TMEM38B: variants seen among roughly 807,000 people sequenced by gnomAD.
TMEM38B encodes trimeric intracellular cation channel type B.
Under a neutral mutation model 28.7 loss-of-function variants are expected in TMEM38B, and 24 were observed. The observed-to-expected ratio is 0.84, with a 90% confidence interval of 0.61 to 1.18. TMEM38B has a LOEUF of 1.18. Among genes scored for constraint, TMEM38B ranks in the 50% most tolerant of loss-of-function variants. TMEM38B has a pLI of 0.00. For missense variants in TMEM38B, 380 were observed against 350.9 expected (o/e 1.08, Z -0.66); for synonymous variants, 131 against 127.7 (o/e 1.03, Z -0.17).
chr9:105,740,978 A>C (rs1837183248), intron 4 of TMEM38B, among the ~76,000 whole-genome samples: 2 of 152,244 alleles, frequency 1.3e-5, no homozygotes, highest in African/African-American at 4.8e-5. Context: ...ATATGGGAAC[A>C]TGTTCTTTGC....
At chr9:105,706,381 G>A (rs1835666453) in intron 2 of TMEM38B, among the ~76,000 whole-genome samples, 1 of 152,218 alleles carries the variant, frequency 6.6e-6, no homozygotes, top group Non-Finnish European at 1.5e-5. Context: ...GGGACGCAGA[G>A]GATTAGAGAG....
chr9:105,750,987 A>G (rs945813154), intron 5 of TMEM38B, among the ~76,000 whole-genome samples: 1 of 152,142 alleles, frequency 6.6e-6, no homozygotes, highest in Non-Finnish European at 1.5e-5. Flanking sequence ...ATTTTATTCC[A>G]TCCATATGTG....
At chr9:105,704,789 T>C (rs1835595938) in intron 1 of TMEM38B, among the ~76,000 whole-genome samples, 1 of 152,090 alleles carries the variant, frequency 6.6e-6, no homozygotes, top group Non-Finnish European at 1.5e-5. Flanking sequence ...CTGGGCGTGG[T>C]GGCAGGTGCC....
rs1177251866 is a variant in TMEM38B, at chr9:105,715,051, C to A, written c.270-6486C>A. Among the ~76,000 whole-genome samples, 3 of 152,202 alleles carry A rather than the reference C, an allele frequency of 2.0e-5. No individual in the cohort carries two copies. The East Asian group carries it at 5.8e-4, about 29-fold the overall frequency. On this transcript the variant is annotated intron_variant, in intron 2 of 5. Coordinates refer to ENST00000374692, the MANE Select transcript of TMEM38B (RefSeq NM_018112.3). ...TTCTTCCACCCTAAGAATTTGGTTT[C>A]TTAAGGACATAGGATGTGATTAAAT...
chr9:105,740,825 A>C (rs1837176102), intron 4 of TMEM38B, among the ~76,000 whole-genome samples: 1 of 152,204 alleles, frequency 6.6e-6, no homozygotes, highest in Non-Finnish European at 1.5e-5. Context: ...TCTATTGTTT[A>C]GTGACAATTT....
chr9:105,715,187 T>G (rs937733922), intron 2 of TMEM38B, among the ~76,000 whole-genome samples: 18 of 152,182 alleles, frequency 1.2e-4, no homozygotes, highest in Admixed American at 7.9e-4. Context: ...TTGCATATGT[T>G]CTATTAATTC....
intron 2 of TMEM38B, among the ~76,000 whole-genome samples, chr9:105,714,183 C>T (rs1447114647): frequency 1.3e-5 from 2 of 151,994 alleles, no homozygotes; most frequent in Non-Finnish European, 2.9e-5. Context: ...GGAGGACCTG[C>T]TTGCAGAGAG....
At chr9:105,735,855 A>T (rs1218561597) in intron 4 of TMEM38B, among the ~76,000 whole-genome samples, 1 of 151,972 alleles carries the variant, frequency 6.6e-6, no homozygotes, top group Non-Finnish European at 1.5e-5. Flanking sequence ...AATTTTCAGC[A>T]ATTTTCATTT....
chr9:105,738,854 AC>A lies in TMEM38B; in HGVS notation c.543-9218del, dbSNP rs563947475. Among the ~76,000 whole-genome samples the A allele has an allele frequency of 2.9e-3, 437 of 151,248 alleles. 5 individuals carry two copies. The highest frequency in any genetic ancestry group is 0.01 in the Middle Eastern group (3 of 290). The stretch of plus-strand genomic sequence containing the variant: ...CGTCTCAGCCTCCTGAGTAGCTGGG[AC>A]TACAGGCATATATTGCCACACCCAG... On this transcript the variant is annotated intron_variant, in intron 4 of 5. Coordinates refer to ENST00000374692, the MANE Select transcript of TMEM38B (RefSeq NM_018112.3).
intron 4 of TMEM38B, 63 bp from the exon 5 acceptor site, chr9:105,748,010 T>C: frequency 8.7e-7 from 1 of 1,145,296 alleles, no homozygotes; most frequent in Non-Finnish European, 1.3e-6. Context: ...AGTGCACTCT[T>C]TGAGAAAGTT....
At chr9:105,760,010 G>T in intron 5 of TMEM38B, 1 of 1,447,956 alleles carries the variant, frequency 6.9e-7, no homozygotes, top group Non-Finnish European at 9.6e-7. Flanking sequence ...AAAAGACTCT[G>T]CAAAAGTTCA....
intron 4 of TMEM38B, among the ~76,000 whole-genome samples, chr9:105,736,055 GT>G (rs59000736): frequency 0.21 from 29,071 of 135,574 alleles, 4,219 homozygotes; most frequent in East Asian, 0.47. Context: ...CATTTTTTTT[GT>G]TTTTTTTTTT....
intron 1 of TMEM38B, among the ~76,000 whole-genome samples, chr9:105,697,323 A>G (rs572875242): frequency 1.3e-3 from 200 of 152,334 alleles, no homozygotes; most frequent in African/African-American, 4.6e-3. Flanking sequence ...GAATACTTAT[A>G]TAGTATCATA....
In TMEM38B at chr9:105,775,274, T is replaced by C. The variant is rs1297960375; in HGVS notation, c.*1194T>C. ...GGCAGTCCATTTAGATGAAGAATGATGATATAAAATCTGGTTCCTTCTTAG... is the reference window on the plus strand; with the variant it reads ...GGCAGTCCATTTAGATGAAGAATGACGATATAAAATCTGGTTCCTTCTTAG... On this transcript the variant is annotated 3_prime_UTR_variant, in exon 6 of 6. Transcript: ENST00000374692. 1.3e-5 allele frequency: 2 copies of C among 152,082 alleles called. No homozygotes were observed. The highest frequency in any genetic ancestry group is 2.9e-5 in the Non-Finnish European group (2 of 67,968). The allele number at this position is 152,082 out of a possible 1,614,324, so 9.4% of individuals were successfully genotyped here.
At chr9:105,698,144 G>A (rs1044872481) in intron 1 of TMEM38B, among the ~76,000 whole-genome samples, 2 of 150,306 alleles carry the variant, frequency 1.3e-5, no homozygotes, top group Non-Finnish European at 3.0e-5. Flanking sequence ...AGCTACTGAA[G>A]TCCTTCCAAT....
At chr9:105,759,324 T>G in intron 5 of TMEM38B, 1 of 960,712 alleles carries the variant, frequency 1.0e-6, no homozygotes, top group African/African-American at 1.6e-5. Context: ...CCTTCACAAT[T>G]TGAATTCCTT....
chr9:105,728,285 C>G (rs962294702), intron 4 of TMEM38B, among the ~76,000 whole-genome samples: 2 of 151,284 alleles, frequency 1.3e-5, no homozygotes, highest in Non-Finnish European at 2.9e-5. Context: ...ATGTTCCCCT[C>G]TCTGTGTCCA....
intron 2 of TMEM38B, among the ~76,000 whole-genome samples, chr9:105,712,656 A>G (rs1480880951): frequency 6.6e-6 from 1 of 152,228 alleles, no homozygotes; most frequent in Non-Finnish European, 1.5e-5. Flanking sequence ...TTAATTAGAA[A>G]TTGCAAAATG....
At chr9:105,749,800 G>C (rs377134852) in intron 5 of TMEM38B, among the ~76,000 whole-genome samples, 3 of 152,050 alleles carry the variant, frequency 2.0e-5, no homozygotes, top group African/African-American at 4.8e-5. Flanking sequence ...GTCACTTTTT[G>C]GCTAATATGG....
Sources: gnomAD v4.1 joint callset for allele counts (sites outside exome capture counted in the v4.1 genomes callset) on GRCh38, gnomAD v4.1.1 for gene constraint, MANE v1.5 for transcripts, NCBI Gene and HGNC (gene_info 2026-07-23, HGNC 2026-07-21) for gene names.